NRXN3: variants seen among roughly 807,000 people sequenced by gnomAD.
NRXN3 encodes neurexin 3, also known as neurexin III.
Under a neutral mutation model 137.6 loss-of-function variants are expected in NRXN3, and 32 were observed. That is an observed-to-expected ratio of 0.23 (90% confidence interval 0.18 to 0.31). The LOEUF is 0.31. NRXN3 is among the 10% of genes least tolerant of loss of function. The pLI, the probability that NRXN3 is intolerant of heterozygous loss-of-function variation, is 1.00. For missense variants in NRXN3, 1,574 were observed against 2,062.5 expected, an observed-to-expected ratio of 0.76 and a Z score of 4.59; for synonymous variants, 798 against 784.5, an observed-to-expected ratio of 1.02 and a Z score of -0.29.
chr14:79,804,201 T>C (rs1352982209), intron 19 of NRXN3, among the ~76,000 whole-genome samples: 1 of 152,050 alleles, frequency 6.6e-6, no homozygotes, highest in African/African-American at 2.4e-5. Flanking sequence ...ATATTGAGTC[T>C]TCTTATGCAC....
At chr14:79,407,130 T>G (rs767877898) in intron 15 of NRXN3, among the ~76,000 whole-genome samples, 1 of 152,136 alleles carries the variant, frequency 6.6e-6, no homozygotes, top group Non-Finnish European at 1.5e-5. Context: ...TCAGGAGGCA[T>G]GGAGTGAATT....
chr14:78,439,738 C>G (rs1230187832), intron 4 of NRXN3, among the ~76,000 whole-genome samples: 2 of 152,170 alleles, frequency 1.3e-5, no homozygotes, highest in African/African-American at 4.8e-5. Flanking sequence ...GAAATTTGCT[C>G]AACTCATCAC....
At chr14:79,165,915 G>A (rs1373387729) in intron 15 of NRXN3, among the ~76,000 whole-genome samples, 1 of 152,024 alleles carries the variant, frequency 6.6e-6, no homozygotes, top group African/African-American at 2.4e-5. Context: ...AACACCACGA[G>A]CTTTTGATTG....
intron 1 of NRXN3, among the ~76,000 whole-genome samples, chr14:78,190,296 C>G (rs2060594059): frequency 6.6e-6 from 1 of 152,216 alleles, no homozygotes; most frequent in African/African-American, 2.4e-5. Context: ...AACAGGAATA[C>G]CTGTGCCATG....
At chr14:78,741,629 A>G (rs1422032822) in intron 8 of NRXN3, among the ~76,000 whole-genome samples, 1 of 152,172 alleles carries the variant, frequency 6.6e-6, no homozygotes. Context: ...ATCACCACAT[A>G]TCTATCACGT....
intron 17 of NRXN3, among the ~76,000 whole-genome samples, chr14:79,669,666 G>A (rs1191869489): frequency 6.6e-6 from 1 of 152,018 alleles, no homozygotes; most frequent in African/African-American, 2.4e-5. Flanking sequence ...TTAATAAATT[G>A]CCAGTGCTCG....
rs144244245 is a variant in NRXN3, at chr14:79,631,350, G to A, written c.3445-32428G>A. 9.3e-3 allele frequency among the ~76,000 whole-genome samples: 1,414 copies of A among 152,390 alleles called. 11 individuals carry two copies. Among genetic ancestry groups the A allele is most frequent in the South Asian group, 0.018 (85 of 4,832 alleles). On this transcript the variant is annotated intron_variant, in intron 16 of 20. Transcript: ENST00000335750. Reference sequence around the variant, plus strand: ...TGGCGCCTCCTCGGCCTCAGCGTCTGCTCTGGCTGCGCTGGAAGAGCCCTT... The same window carrying A: ...TGGCGCCTCCTCGGCCTCAGCGTCTACTCTGGCTGCGCTGGAAGAGCCCTT...
intron 4 of NRXN3, among the ~76,000 whole-genome samples, chr14:78,504,267 C>G (rs2095938567): frequency 6.6e-6 from 1 of 152,126 alleles, no homozygotes; most frequent in Non-Finnish European, 1.5e-5. Context: ...ACAGCAGTCA[C>G]CAGTTAAATA....
intron 15 of NRXN3, among the ~76,000 whole-genome samples, chr14:79,328,146 A>C (rs2091173423): frequency 1.3e-5 from 2 of 152,236 alleles, no homozygotes; most frequent in Admixed American, 6.5e-5. Context: ...AAAAGGAAAA[A>C]GAAAAAGAAA....
intron 16 of NRXN3, among the ~76,000 whole-genome samples, chr14:79,628,723 A>C (rs2098310426): frequency 6.6e-6 from 1 of 152,168 alleles, no homozygotes; most frequent in South Asian, 2.1e-4. Context: ...TCGAATATTA[A>C]CCTGAAAAAG....
chr14:79,550,196 C>G (rs921352387), intron 16 of NRXN3, among the ~76,000 whole-genome samples: 2 of 152,022 alleles, frequency 1.3e-5, no homozygotes, highest in Non-Finnish European at 2.9e-5. Context: ...GTCTTGATCT[C>G]TTGACCTCAT....
chr14:79,022,910 C>A (rs1299921800), intron 15 of NRXN3, among the ~76,000 whole-genome samples: 6 of 152,156 alleles, frequency 3.9e-5, no homozygotes, highest in East Asian at 1.9e-4. Flanking sequence ...CAGGCAAAGG[C>A]CTTTTGAGCA....
chr14:78,613,039 C>T (rs2097313376), intron 4 of NRXN3, among the ~76,000 whole-genome samples: 1 of 152,204 alleles, frequency 6.6e-6, no homozygotes, highest in African/African-American at 2.4e-5. Flanking sequence ...GATTCCATTT[C>T]TGTGGTCTGC....
intron 14 of NRXN3, among the ~76,000 whole-genome samples, chr14:78,982,633 C>G (rs2099492305): frequency 6.6e-6 from 1 of 152,028 alleles, no homozygotes; most frequent in Admixed American, 6.6e-5. Flanking sequence ...ATACCATATA[C>G]AAACATCATC....
intron 6 of NRXN3, among the ~76,000 whole-genome samples, chr14:78,680,092 A>G (rs2098058230): frequency 6.6e-6 from 1 of 152,090 alleles, no homozygotes; most frequent in African/African-American, 2.4e-5. Context: ...ACATGGATGG[A>G]ACTGGAGGCC....
At chr14:78,313,590 C>A (rs571057320) in intron 4 of NRXN3, among the ~76,000 whole-genome samples, 1 of 151,990 alleles carries the variant, frequency 6.6e-6, no homozygotes, top group Non-Finnish European at 1.5e-5. Flanking sequence ...CCCAAGGTTA[C>A]AAAGCTAGTT....
intron 16 of NRXN3, among the ~76,000 whole-genome samples, chr14:79,578,514 A>G (rs952946362): frequency 6.6e-6 from 1 of 151,988 alleles, no homozygotes; most frequent in Non-Finnish European, 1.5e-5. Context: ...GTGACTCACA[A>G]CCCCCACCAT....
chr14:78,755,718 C>T (rs1367017533), intron 8 of NRXN3, among the ~76,000 whole-genome samples: 1 of 152,170 alleles, frequency 6.6e-6, no homozygotes, highest in Admixed American at 6.5e-5. Flanking sequence ...TACTTAGTAG[C>T]AGTCCCCTAC....
At chr14:79,508,799 C>T (rs1188811908) in intron 16 of NRXN3, among the ~76,000 whole-genome samples, 1 of 152,094 alleles carries the variant, frequency 6.6e-6, no homozygotes, top group African/African-American at 2.4e-5. Flanking sequence ...TTCAATGTTT[C>T]GACCATGACA....
Sources: allele counts gnomAD v4.1 joint callset (sites outside exome capture counted in the v4.1 genomes callset), GRCh38; gene constraint gnomAD v4.1.1; transcripts MANE v1.5; gene names NCBI Gene and HGNC (gene_info 2026-07-23, HGNC 2026-07-21).